The following PALMD variants were observed in gnomAD, a reference collection of about 807,000 sequenced individuals.
PALMD encodes the protein paralemmin-like protein.
In PALMD, 42 loss-of-function variants were observed where a neutral mutation model predicts 56.2. That is an observed-to-expected ratio of 0.75 (90% CI 0.58 to 0.97). The LOEUF is 0.97. PALMD is among the 50% of genes least tolerant of loss of function. The pLI is 0.00. For synonymous variants in PALMD, 242 were observed against 222.9 expected (o/e 1.09, Z -0.76); for missense variants, 660 against 643.8 (o/e 1.03, Z -0.27).
At chr1:99,656,600 C>T (rs1352516185) in intron 1 of PALMD, among the ~76,000 whole-genome samples, 1 of 152,140 alleles carries the variant, frequency 6.6e-6, no homozygotes, top group East Asian at 1.9e-4. Context: ...CCAATTGTTT[C>T]AATTGGTTTA....
chr1:99,689,342 A>T lies in PALMD; in HGVS notation c.1082A>T (p.Asp361Val). 3.1e-6 allele frequency: 5 copies of T among 1,613,706 alleles called. No homozygotes were observed. Among genetic ancestry groups the T allele is most frequent in the Non-Finnish European group, 4.2e-6 (5 of 1,179,860 alleles). The part of the protein sequence containing the change: ...WEESNVMQDK[D>V]APSPKPRLSP... ...GAATCGAATGTCATGCAGGACAAAG[A>T]TGCACCCTCTCCAAAGCCAAGGCTG... The change falls in exon 7 of 8, where the codon GAT becomes GTT. Residue 361 changes from aspartate (D) to valine (V), a missense_variant. By Grantham distance (152) the Asp-to-Val change is radical (BLOSUM62 -3). Transcript: ENST00000263174.
rs1216549600 is a variant in PALMD, at chr1:99,686,970, T to G, written c.400+7T>G. 6.3e-7 allele frequency: 1 copy of G among 1,574,858 alleles called. No homozygotes were observed. The highest frequency in any genetic ancestry group is 1.4e-5 in the African/African-American group (1 of 73,796). On this transcript the variant is annotated splice_region_variant and intron_variant, in intron 5 of 7. Coordinates refer to ENST00000263174, the MANE Select transcript of PALMD (RefSeq NM_017734.5). ...AGAGAAGAAAGAGCAGAAGGTATGT[T>G]TTTGAATAACTTATTTTATGTTAAA...
intron 1 of PALMD, among the ~76,000 whole-genome samples, chr1:99,647,410 T>C (rs1005861788): frequency 1.3e-5 from 2 of 152,262 alleles, no homozygotes; most frequent in Non-Finnish European, 2.9e-5. Context: ...TACAATATCT[T>C]AGTTTCACCC....
chr1:99,657,247 C>A (rs1015431562), intron 1 of PALMD, among the ~76,000 whole-genome samples: 2 of 152,218 alleles, frequency 1.3e-5, no homozygotes, highest in Non-Finnish European at 2.9e-5. Context: ...CTATTTGGCC[C>A]AAGGACATCT....
At chr1:99,654,815 G>C (rs1332668624) in intron 1 of PALMD, among the ~76,000 whole-genome samples, 1 of 152,088 alleles carries the variant, frequency 6.6e-6, no homozygotes, top group African/African-American at 2.4e-5. Context: ...TGGTTGGTTG[G>C]TTGCTTGGTT....
Position 99,689,607 on chromosome 1 carries a change from T to G in PALMD, c.1347T>G (p.Asp449Glu), listed in dbSNP as rs756366841. Reference sequence around the variant, plus strand: ...ATGCTGAGCTGGTTGTGATTGATGATGAGGAGGAGGAGGATGAAGGAGAAG... The same window carrying G: ...ATGCTGAGCTGGTTGTGATTGATGAGGAGGAGGAGGAGGATGAAGGAGAAG... ...IIHAELVVID[D>E]EEEEDEGEAE... Residue 449 changes from aspartate to glutamate, a missense_variant, in exon 7 of 8, where the codon GAT becomes GAG. Coordinates refer to ENST00000263174, the MANE Select transcript of PALMD (RefSeq NM_017734.5). The G allele has an allele frequency of 2.7e-5, 44 of 1,613,484 alleles. No individual in the cohort carries two copies. Among genetic ancestry groups the G allele is most frequent in the South Asian group, 1.8e-4 (16 of 91,076 alleles).
chr1:99,677,001 T>C (rs567492305), intron 3 of PALMD, among the ~76,000 whole-genome samples: 1 of 152,292 alleles, frequency 6.6e-6, no homozygotes, highest in East Asian at 1.9e-4. Context: ...TAATAGCCAT[T>C]GAATTTCCAG....
rs1653725368 is a variant in PALMD, at chr1:99,694,120, T to C, written c.*58T>C. ...GAAGAAACTAAGAAGCATTTGCAAA[T>C]TTCTCTTCTGGATATTTTGTTTATT... is the stretch of plus-strand genomic sequence containing the variant. On this transcript the variant is annotated 3_prime_UTR_variant, in exon 8 of 8. Transcript: ENST00000263174. The C allele has an allele frequency of 2.5e-6, 3 of 1,176,522 alleles. No homozygotes were observed. The highest frequency in any genetic ancestry group is 2.5e-6 in the Non-Finnish European group (2 of 808,144). The allele number at this position is 1,176,522 out of a possible 1,614,324, so 72.9% of individuals were successfully genotyped here.
chr1:99,663,617 A>T (rs1652901807), intron 2 of PALMD, among the ~76,000 whole-genome samples: 2 of 151,914 alleles, frequency 1.3e-5, no homozygotes, highest in African/African-American at 4.8e-5. Flanking sequence ...CACACACAAT[A>T]CACACAATCT....
chr1:99,672,569 C>A (rs565515360), intron 3 of PALMD, among the ~76,000 whole-genome samples: 1 of 152,264 alleles, frequency 6.6e-6, no homozygotes, highest in South Asian at 2.1e-4. Context: ...AGGAGGTATG[C>A]CCCCAGCAAC....
intron 7 of PALMD, among the ~76,000 whole-genome samples, chr1:99,693,706 T>A (rs1226627117): frequency 6.6e-6 from 1 of 152,202 alleles, no homozygotes; most frequent in African/African-American, 2.4e-5. Flanking sequence ...CATCAACCTA[T>A]AGGAATCTGT....
chr1:99,656,537 C>G (rs1652728411), intron 1 of PALMD, among the ~76,000 whole-genome samples: 1 of 152,156 alleles, frequency 6.6e-6, no homozygotes, highest in African/African-American at 2.4e-5. Context: ...AAAAATGAAT[C>G]TGAAAACATT....
In PALMD at chr1:99,689,593, G is replaced by T; in HGVS notation, c.1333G>T (p.Val445Phe). 2 of 1,613,848 alleles carry T rather than the reference G, an allele frequency of 1.2e-6. No individual in the cohort carries two copies. The highest frequency in any genetic ancestry group is 1.7e-6 in the Non-Finnish European group (2 of 1,179,872). ...TGATGGGATCATCCATGCTGAGCTG[G>T]TTGTGATTGATGATGAGGAGGAGGA... The part of the protein sequence containing the change: ...GYDGIIHAEL[V>F]VIDDEEEEDE... Residue 445 changes from valine to phenylalanine, a missense_variant, in exon 7 of 8, where the codon GTT (valine) becomes TTT (phenylalanine). By Grantham distance (50) the Val-to-Phe change is conservative. Transcript: ENST00000263174.
chr1:99,677,714 T>C (rs1039643517), intron 3 of PALMD, among the ~76,000 whole-genome samples: 5 of 152,088 alleles, frequency 3.3e-5, no homozygotes, highest in Admixed American at 1.3e-4. Context: ...ATGTAGTCCA[T>C]AGCAAGGTAG....
At chr1:99,655,151 T>C (rs1176611365) in intron 1 of PALMD, among the ~76,000 whole-genome samples, 1 of 152,094 alleles carries the variant, frequency 6.6e-6, no homozygotes, top group Non-Finnish European at 1.5e-5. Context: ...GAAAGAATTA[T>C]TTGATAAAAC....
intron 2 of PALMD, among the ~76,000 whole-genome samples, chr1:99,664,998 T>C (rs1205462418): frequency 6.6e-6 from 1 of 152,182 alleles, no homozygotes; most frequent in African/African-American, 2.4e-5. Flanking sequence ...GGACATTTTT[T>C]ACATCTTAAT....
chr1:99,667,586 G>A, intron 2 of PALMD, 56 bp from the exon 3 acceptor site: 3 of 1,477,730 alleles, frequency 2.0e-6, no homozygotes, highest in Non-Finnish European at 2.8e-6. Flanking sequence ...AGCAGTAAGA[G>A]ATTTTGGAAA....
chr1:99,671,359 A>G (rs1316531076), intron 3 of PALMD, among the ~76,000 whole-genome samples: 6 of 152,156 alleles, frequency 3.9e-5, no homozygotes, highest in Admixed American at 3.9e-4. Context: ...CATAGTACAC[A>G]GGCTTGGCCA....
intron 3 of PALMD, among the ~76,000 whole-genome samples, chr1:99,677,070 T>G (rs1409147707): frequency 1.3e-5 from 2 of 152,204 alleles, no homozygotes; most frequent in African/African-American, 4.8e-5. Flanking sequence ...CATTTTTCAC[T>G]GCAAACCTTA....
Sources: allele counts gnomAD v4.1 joint callset (sites outside exome capture counted in the v4.1 genomes callset), GRCh38; gene constraint gnomAD v4.1.1; transcripts MANE v1.5; gene names NCBI Gene and HGNC (gene_info 2026-07-23, HGNC 2026-07-21).